Variants in SEMA3D observed in about 807,000 individuals in gnomAD.
SEMA3D encodes the protein semaphorin 3D, also known as semaphorin-3D.
SEMA3D carries 84 observed loss-of-function variants against 100.1 expected under a neutral mutation model. That is an observed-to-expected ratio of 0.84 (90% CI 0.70 to 1.01). SEMA3D has a LOEUF of 1.01. Among genes scored for constraint, SEMA3D ranks in the 50% least tolerant of loss-of-function variants. The probability of loss-of-function intolerance (pLI) is 0.00; values close to 1 mark genes in which losing one functional copy is unlikely to be tolerated. For synonymous variants in SEMA3D, 312 were observed against 320.7 expected (o/e 0.97, Z 0.29); for missense variants, 875 against 934.1 (o/e 0.94, Z 0.82).
chr7:85,093,134 G>GA lies in SEMA3D; in HGVS notation c.312+4670dup, dbSNP rs1375586475. ...GGGTTACCTTTGTTAAATTGAAAAA[G>GA]AAAAAATCAGTCTTCTAAGTCAATT... On this transcript the variant is annotated intron_variant, in intron 4 of 18. Transcript: ENST00000284136. Among the ~76,000 whole-genome samples, 10 of 151,982 alleles carry GA rather than the reference G, an allele frequency of 6.6e-5. No individual in the cohort carries two copies. The East Asian group carries it at 7.8e-4, about 12-fold the overall frequency.
At chr7:85,218,440 T>C in the SEMA3D span, among the ~76,000 whole-genome samples, 1 of 152,126 alleles carries the variant, frequency 6.6e-6, no homozygotes, top group African/African-American at 2.4e-5. Context: ...TTATCTTTGA[T>C]GCGACTCTAT....
intron 2 of SEMA3D, among the ~76,000 whole-genome samples, chr7:85,152,142 TC>T (rs1790447159): frequency 6.6e-6 from 1 of 152,072 alleles, no homozygotes; most frequent in Admixed American, 6.6e-5. Flanking sequence ...GGACAATATT[TC>T]TTTGTTCAGA....
chr7:85,243,241 G>A, the SEMA3D span, among the ~76,000 whole-genome samples: 1 of 152,102 alleles, frequency 6.6e-6, no homozygotes, highest in Admixed American at 6.6e-5. Flanking sequence ...TTTCAAAATG[G>A]TTTGCTTTTC....
intron 3 of SEMA3D, among the ~76,000 whole-genome samples, chr7:85,105,452 T>A (rs1043294164): frequency 1.3e-5 from 2 of 152,068 alleles, no homozygotes; most frequent in African/African-American, 2.4e-5. Context: ...TTTATCAAGA[T>A]AACTCATAAT....
chr7:85,112,182 T>G (rs953205965), intron 3 of SEMA3D, among the ~76,000 whole-genome samples: 1 of 152,166 alleles, frequency 6.6e-6, no homozygotes, highest in Non-Finnish European at 1.5e-5. Flanking sequence ...TTAGATGAGT[T>G]AATAACTGAC....
At chr7:85,015,698 T>C (rs184380793) in intron 15 of SEMA3D, among the ~76,000 whole-genome samples, 1 of 151,886 alleles carries the variant, frequency 6.6e-6, no homozygotes, top group Admixed American at 6.6e-5. Flanking sequence ...TGAAAGAATG[T>C]GAGTTATTAG....
At chr7:85,104,976 A>ACAGT (rs900551032) in intron 3 of SEMA3D, among the ~76,000 whole-genome samples, 1 of 152,008 alleles carries the variant, frequency 6.6e-6, no homozygotes, top group African/African-American at 2.4e-5. Flanking sequence ...AGATCAAAAT[A>ACAGT]CAGTCACCTT....
chr7:85,224,984 C>T, the SEMA3D span, among the ~76,000 whole-genome samples: 52 of 144,752 alleles, frequency 3.6e-4, no homozygotes, highest in East Asian at 6.9e-3. Context: ...ATTATGTTGT[C>T]TATGCTTTTC....
chr7:85,135,577 G>A (rs1175374651), intron 2 of SEMA3D, among the ~76,000 whole-genome samples: 1 of 151,420 alleles, frequency 6.6e-6, no homozygotes, highest in Non-Finnish European at 1.5e-5. Context: ...AATGGGTGCA[G>A]CACACCAACA....
chr7:85,181,728 G>C, intron 1 of SEMA3D: 1 of 941,870 alleles, frequency 1.1e-6, no homozygotes, highest in Non-Finnish European at 1.3e-6. Context: ...AATCTTTGTA[G>C]CTTATTGAGC....
chr7:85,219,918 A>AC, the SEMA3D span, among the ~76,000 whole-genome samples: 1 of 152,086 alleles, frequency 6.6e-6, no homozygotes, highest in Non-Finnish European at 1.5e-5. Flanking sequence ...GTCACCTACA[A>AC]CAGGCTCATA....
chr7:85,160,019 T>C lies in SEMA3D; in HGVS notation c.-172-6280A>G, dbSNP rs78806973. The C allele has an allele frequency of 1.7e-3, 1,611 of 968,270 alleles. 15 individuals carry two copies. The African/African-American group carries it at 0.025, about 15-fold the overall frequency. 60.0% of individuals were successfully genotyped at this position (968,270 alleles called of 1,614,324 possible). The stretch of plus-strand genomic sequence containing the variant: ...CACATCTCTCCATGAACTATATCAT[T>C]TGTGGATTAAAAACTGAACTGTTAT... On this transcript the variant is annotated intron_variant, in intron 1 of 18. Transcript: ENST00000284136.
intron 2 of SEMA3D, among the ~76,000 whole-genome samples, chr7:85,138,409 C>T (rs1477399787): frequency 6.6e-6 from 1 of 151,836 alleles, no homozygotes; most frequent in Non-Finnish European, 1.5e-5. Flanking sequence ...ACGTCTCAGC[C>T]TCTAGAGCAG....
the SEMA3D span, among the ~76,000 whole-genome samples, chr7:85,194,061 C>T: frequency 6.6e-6 from 1 of 152,130 alleles, no homozygotes; most frequent in East Asian, 1.9e-4. Context: ...TTATACCATG[C>T]AACCTTGCTA....
At chr7:85,199,953 C>A in the SEMA3D span, among the ~76,000 whole-genome samples, 1 of 152,098 alleles carries the variant, frequency 6.6e-6, no homozygotes, top group Non-Finnish European at 1.5e-5. Context: ...AAGAGAAGTT[C>A]CCCTGCACAA....
At chr7:85,059,100 G>A (rs1791405702) in intron 8 of SEMA3D, among the ~76,000 whole-genome samples, 1 of 152,110 alleles carries the variant, frequency 6.6e-6, no homozygotes, top group Non-Finnish European at 1.5e-5. Flanking sequence ...GACCAGGGAT[G>A]AATAATAATC....
intron 3 of SEMA3D, among the ~76,000 whole-genome samples, chr7:85,117,808 G>C (rs74818926): frequency 0.02 from 2,391 of 120,608 alleles, 25 homozygotes; most frequent in African/African-American, 0.064. Context: ...ATGTATGTAT[G>C]TATCTATCTA....
In SEMA3D at chr7:85,066,913, C is replaced by CACAGAG; in HGVS notation, c.589+1277_589+1278insCTCTGT. Among the ~76,000 whole-genome samples, 346 of 127,804 alleles carry CACAGAG rather than the reference C, an allele frequency of 2.7e-3. 1 individual carries two copies. The highest frequency in any genetic ancestry group is 0.022 in the South Asian group (93 of 4,164). The allele number at this position is 127,804 out of a possible 152,430, so 83.8% of individuals were successfully genotyped here. A position where few individuals can be genotyped will look rare whatever the true frequency, so the allele number is the denominator to read the frequency against. On this transcript the variant is annotated intron_variant, in intron 7 of 18. Coordinates refer to ENST00000284136, the MANE Select transcript of SEMA3D (RefSeq NM_001384900.1). ...GCGCTCACACACACACACACACACA[C>CACAGAG]AGAGAGAGAGAGAGAGAGAGAGAGA... is the stretch of plus-strand genomic sequence containing the variant.
chr7:85,167,443 G>A, intron 1 of SEMA3D: 4 of 931,874 alleles, frequency 4.3e-6, no homozygotes, highest in Non-Finnish European at 5.1e-6. Context: ...AATTTACTGT[G>A]AAGCTGATAC....
Sources: gnomAD v4.1 joint callset for allele counts (sites outside exome capture counted in the v4.1 genomes callset) on GRCh38, gnomAD v4.1.1 for gene constraint, MANE v1.5 for transcripts, NCBI Gene and HGNC (gene_info 2026-07-23, HGNC 2026-07-21) for gene names.